The following GBP4 variants were observed in gnomAD, a reference collection of about 807,000 sequenced individuals.
GBP4 encodes guanylate binding protein 4, also known as guanylate-binding protein 4.
GBP4 carries 69 observed loss-of-function variants against 62.2 expected under a neutral mutation model. The ratio of observed to expected loss-of-function variants is 1.11; its 90% CI spans 0.91 to 1.36. The LOEUF is 1.36. Among genes scored for constraint, GBP4 ranks in the 40% most tolerant of loss-of-function variants. The pLI, the probability that GBP4 is intolerant of heterozygous loss-of-function variation, is 0.00. For synonymous variants in GBP4, 278 were observed against 274.6 expected (o/e 1.01, Z -0.12); for missense variants, 697 against 759.3 (o/e 0.92, Z 0.96).
At chr1:89,197,008 G>T in intron 2 of GBP4, 102 bp downstream of exon 2, 1 of 872,602 alleles carries the variant, frequency 1.1e-6, no homozygotes, top group Non-Finnish European at 1.7e-6. Context: ...TTCTTCATTG[G>T]GAGAAGTCAT....
intron 10 of GBP4, among the ~76,000 whole-genome samples, chr1:89,185,799 T>C (rs1221841444): frequency 1.3e-5 from 2 of 152,224 alleles, no homozygotes; most frequent in Non-Finnish European, 2.9e-5. Context: ...CATGCTCATC[T>C]AGCAAATAAC....
At position 89,188,738 on chromosome 1, in the gene GBP4, G is replaced by A; in HGVS notation, c.1254C>T (p.Ala418=). The A allele has an allele frequency of 6.2e-7, 1 of 1,614,180 alleles. No homozygotes were observed. Reference sequence around the variant, plus strand: ...GCTTAAGCTCAGCCTGGCAATATTTGGCAGATGCCTCTTCATTCTGCAGCA... The same window carrying A: ...GCTTAAGCTCAGCCTGGCAATATTTAGCAGATGCCTCTTCATTCTGCAGCA... ...DFVLQNEEAS[A]KYCQAELKRL... is the part of the protein sequence containing the mutation. The change falls in exon 8 of 11, where the codon GCC becomes GCT. Residue 418 remains alanine (A), a synonymous_variant. Transcript: ENST00000355754.
intron 2 of GBP4, among the ~76,000 whole-genome samples, chr1:89,195,955 C>T (rs682784): frequency 0.65 from 99,262 of 152,094 alleles, 33,361 homozygotes; most frequent in East Asian, 0.82. Context: ...CTGAATTTTT[C>T]GCAGGATGTA....
rs557980584 is a variant in GBP4 at position 89,188,190 on chromosome 1, A to C, written c.1410+392T>G. On this transcript the variant is annotated intron_variant, in intron 8 of 10. Transcript: ENST00000355754. ...TCATCATCATCATCATCATCATATT[A>C]GTACATACCAGTACGATAACCGTAA... 5.1e-4 allele frequency among the ~76,000 whole-genome samples: 77 copies of C among 152,306 alleles called. 2 individuals are homozygous for C. The South Asian group carries it at 0.016, about 31-fold the overall frequency.
intron 3 of GBP4, 115 bp downstream of exon 3, chr1:89,195,182 C>T (rs1648296300): frequency 2.8e-6 from 3 of 1,068,542 alleles, no homozygotes. Flanking sequence ...CAGAATTTAG[C>T]CTCATTATTC....
chr1:89,191,579 G>A, intron 5 of GBP4, 73 bp from the exon 6 acceptor site: 1 of 1,462,122 alleles, frequency 6.8e-7, no homozygotes, highest in Non-Finnish European at 9.3e-7. Flanking sequence ...CTTTTCCAGG[G>A]ATCTTTGCAT....
In GBP4 at chr1:89,193,523, A is replaced by G. The variant is rs539084113; in HGVS notation, c.364-111T>C. The G allele has an allele frequency of 6.1e-5, 56 of 911,010 alleles. No homozygotes were observed. In the African/African-American group the frequency reaches 8.8e-4, roughly 14 times the overall value. 56.4% of individuals were successfully genotyped at this position (911,010 alleles called of 1,614,324 possible). Reference sequence around the variant, plus strand: ...TGTATGATAGTTGAATAATAGGGTAAATAACAAATTTTGAAGCCAATGCTG... The same window carrying G: ...TGTATGATAGTTGAATAATAGGGTAGATAACAAATTTTGAAGCCAATGCTG... On this transcript the variant is annotated intron_variant, in intron 3 of 10. Coordinates refer to ENST00000355754, the MANE Select transcript of GBP4 (RefSeq NM_052941.5).
At position 89,190,059 on chromosome 1, in the gene GBP4, A is replaced by G. The variant is rs377276928; in HGVS notation, c.1176T>C (p.His392=). The G allele has an allele frequency of 2.5e-6, 4 of 1,608,260 alleles. No individual in the cohort carries two copies. The highest frequency in any genetic ancestry group is 3.4e-6 in the Non-Finnish European group (4 of 1,175,578). Residue 392 remains histidine, a synonymous_variant, in exon 7 of 11, where the codon CAT becomes CAC. Coordinates refer to ENST00000355754, the MANE Select transcript of GBP4 (RefSeq NM_052941.5). The part of the protein sequence containing the change: ...FMEHSFKDEN[H]EFQKKLVDTI... ...GTACCACAAGCTTCTTCTGGAATTC[A>G]TGGTTTTCATCCTTGAAGGAGTGCT...
chr1:89,190,122 A>G lies in GBP4; in HGVS notation c.1113T>C (p.His371=). 4 of 1,614,126 alleles carry G rather than the reference A, an allele frequency of 2.5e-6. No individual in the cohort carries two copies. The highest frequency in any genetic ancestry group is 3.4e-6 in the Non-Finnish European group (4 of 1,179,978). Residue 371 remains histidine (H), a synonymous_variant, in exon 7 of 11, where the codon CAT becomes CAC. Transcript: ENST00000355754. ...TDTLQELLDV[H]AACEREAIAV... is the part of the protein sequence containing the mutation. ...CAATGGCTTCCCTCTCACAGGCTGC[A>G]TGCACGTCCAGCAGCTCCTGGAGCG... is the stretch of plus-strand genomic sequence containing the variant.
chr1:89,186,571 C>T (rs1648043097), intron 9 of GBP4, 45 bp from the exon 10 acceptor site: 3 of 1,564,148 alleles, frequency 1.9e-6, no homozygotes, highest in African/African-American at 1.4e-5. Flanking sequence ...GACAGTTATT[C>T]CTGAGTTCTA....
chr1:89,193,803 G>A (rs748494383), intron 3 of GBP4, among the ~76,000 whole-genome samples: 4 of 152,138 alleles, frequency 2.6e-5, no homozygotes, highest in Non-Finnish European at 4.4e-5. Flanking sequence ...CCCTGCATTT[G>A]GTTTTGTGGA....
chr1:89,187,086 T>C lies in GBP4; in HGVS notation c.1427A>G (p.Gln476Arg), dbSNP rs1198747248. 6.2e-7 allele frequency: 1 copy of C among 1,614,060 alleles called. No homozygotes were observed. The highest frequency in any genetic ancestry group is 2.2e-5 in the East Asian group (1 of 44,896). Residue 476 changes from glutamine (Q) to arginine (R), a missense_variant, in exon 9 of 11, where the codon CAG (glutamine) becomes CGG (arginine). Coordinates refer to ENST00000355754, the MANE Select transcript of GBP4 (RefSeq NM_052941.5). ...RKGVKANEVL[Q>R]NFLQSQVVVE... ...AACCACCTGTGACTGCAGGAAGTTC[T>C]GGAGGACCTCGTTTGCCTGAGGAAC...
chr1:89,184,741 A>C lies in GBP4; in HGVS notation c.*513T>G, dbSNP rs1647983594. 6.6e-6 allele frequency: 1 copy of C among 152,572 alleles called. No individual in the cohort carries two copies. The highest frequency in any genetic ancestry group is 2.4e-5 in the African/African-American group (1 of 41,460). The allele number at this position is 152,572 out of a possible 1,614,324, so 9.5% of individuals were successfully genotyped here. On this transcript the variant is annotated 3_prime_UTR_variant, in exon 11 of 11. Transcript: ENST00000355754. ...GAGGGAGAAGATCAGAAAAAAACCT[A>C]TTGGGTATTATGATTAATAATTGTG...
rs1459499077 is a variant in GBP4, at chr1:89,181,162, C to T, written c.*4092G>A. ...AACAGGCTTTGTGTGAGCAATAAAG[C>T]TTTTTAATCACCTGGGTGCAGGCTG... On this transcript the variant is annotated 3_prime_UTR_variant, in exon 11 of 11. Coordinates refer to ENST00000355754, the MANE Select transcript of GBP4 (RefSeq NM_052941.5). The T allele has an allele frequency of 6.6e-6, 1 of 152,016 alleles. No homozygotes were observed. The highest frequency in any genetic ancestry group is 6.6e-5 in the Admixed American group (1 of 15,258). 9.4% of individuals were successfully genotyped at this position (152,016 alleles called of 1,614,324 possible). A position where few individuals can be genotyped will look rare whatever the true frequency, so the allele number is the denominator to read the frequency against.
rs1270214827 is a variant in GBP4 at position 89,191,519 on chromosome 1, A to T, written c.671-13T>A. On this transcript the variant is annotated splice_polypyrimidine_tract_variant and intron_variant, in intron 5 of 10. Transcript: ENST00000355754. Reference sequence around the variant, plus strand: ...TTGGGATTCTTGCCTGTGGAATTGTAAAAAAGAGGGCTCATTGAAGAGACA... The same window carrying T: ...TTGGGATTCTTGCCTGTGGAATTGTTAAAAAGAGGGCTCATTGAAGAGACA... 1 of 1,608,128 alleles carries T rather than the reference A, an allele frequency of 6.2e-7. No homozygotes were observed. Among genetic ancestry groups the T allele is most frequent in the African/African-American group, 1.3e-5 (1 of 74,694 alleles).
Position 89,191,465 on chromosome 1 carries a change from A to G in GBP4, c.712T>C (p.Cys238Arg). ...CGTTTTCGGAAGAAATGCCTGATAC[A>G]CTCTCTAGGCATGTTTGAATTTTGA... ...KIQNSNMPRE[C>R]IRHFFRKRKC... The change falls in exon 6 of 11, where the codon TGT becomes CGT. Residue 238 changes from cysteine (C) to arginine (R), a missense_variant. Cys to Arg is a radical substitution (Grantham distance 180). Coordinates refer to ENST00000355754, the MANE Select transcript of GBP4 (RefSeq NM_052941.5). The G allele has an allele frequency of 6.2e-7, 1 of 1,613,480 alleles. No homozygotes were observed. The highest frequency in any genetic ancestry group is 8.5e-7 in the Non-Finnish European group (1 of 1,179,488).
chr1:89,197,106 T>C lies in GBP4; in HGVS notation c.235+4A>G. ...AATGGCTCCTGTCCTAGGACCACAC[T>C]CACCATTGCGCTTTCCTGCAAGACG... On this transcript the variant is annotated splice_donor_region_variant and intron_variant, in intron 2 of 10. Transcript: ENST00000355754. The C allele has an allele frequency of 6.2e-7, 1 of 1,607,870 alleles. No individual in the cohort carries two copies. Among genetic ancestry groups the C allele is most frequent in the Non-Finnish European group, 8.5e-7 (1 of 1,176,146 alleles).
chr1:89,194,019 G>T (rs1248560825), intron 3 of GBP4, among the ~76,000 whole-genome samples: 1 of 152,226 alleles, frequency 6.6e-6, no homozygotes, highest in Non-Finnish European at 1.5e-5. Flanking sequence ...GGAGCAAGAA[G>T]TGATTATGTT....
chr1:89,196,255 T>C (rs1266164621), intron 2 of GBP4, among the ~76,000 whole-genome samples: 1 of 152,286 alleles, frequency 6.6e-6, no homozygotes, highest in African/African-American at 2.4e-5. Context: ...TGGGTACACA[T>C]AGTAACTAGA....
Sources: gnomAD v4.1 joint callset for allele counts (sites outside exome capture counted in the v4.1 genomes callset) on GRCh38, gnomAD v4.1.1 for gene constraint, MANE v1.5 for transcripts, NCBI Gene and HGNC (gene_info 2026-07-23, HGNC 2026-07-21) for gene names.